CNTNAP5: variants seen among roughly 807,000 people sequenced by gnomAD.
The protein encoded by CNTNAP5 is contactin-associated protein-like 5.
A neutral mutation model predicts 150.2 loss-of-function variants in CNTNAP5; 72 were observed. The observed-to-expected ratio is 0.48, with a 90% confidence interval of 0.40 to 0.58. The LOEUF is 0.58. CNTNAP5 is among the 20% of genes least tolerant of loss of function. CNTNAP5 has a pLI of 0.00. For synonymous variants in CNTNAP5, 672 were observed against 619.8 expected (o/e 1.08, Z -1.25); for missense variants, 1,636 against 1,626.2 (o/e 1.01, Z -0.10).
chr2:124,557,915 A>T (rs903760870), intron 10 of CNTNAP5, among the ~76,000 whole-genome samples: 4 of 152,160 alleles, frequency 2.6e-5, no homozygotes, highest in African/African-American at 9.7e-5. Flanking sequence ...GGAACAACAA[A>T]GTCAACATGG....
At chr2:124,584,194 T>C (rs1423054068) in intron 11 of CNTNAP5, among the ~76,000 whole-genome samples, 1 of 152,196 alleles carries the variant, frequency 6.6e-6, no homozygotes, top group Non-Finnish European at 1.5e-5. Flanking sequence ...AAATGCATAA[T>C]GTTGTAAACA....
At chr2:124,351,246 C>T (rs1342274807) in intron 3 of CNTNAP5, among the ~76,000 whole-genome samples, 1 of 152,144 alleles carries the variant, frequency 6.6e-6, no homozygotes, top group African/African-American at 2.4e-5. Flanking sequence ...CTGAGAGTGA[C>T]CTGATTTCAG....
intron 19 of CNTNAP5, among the ~76,000 whole-genome samples, chr2:124,834,791 G>GTA (rs35344366): frequency 0.6 from 87,982 of 147,344 alleles, 26,761 homozygotes; most frequent in East Asian, 0.81. Flanking sequence ...ATATTTCACA[G>GTA]TATATATATA....
intron 3 of CNTNAP5, among the ~76,000 whole-genome samples, chr2:124,260,417 G>A (rs897870301): frequency 3.9e-5 from 6 of 152,260 alleles, no homozygotes; most frequent in Admixed American, 6.5e-5. Context: ...AAAATCCCTA[G>A]AAGAAAACCT....
At chr2:124,850,020 A>T (rs1683123595) in intron 19 of CNTNAP5, among the ~76,000 whole-genome samples, 1 of 152,194 alleles carries the variant, frequency 6.6e-6, no homozygotes, top group South Asian at 2.1e-4. Flanking sequence ...AACCCAATTA[A>T]ACAGACCTAC....
At chr2:124,819,113 C>G in intron 19 of CNTNAP5, among the ~76,000 whole-genome samples, 1 of 152,078 alleles carries the variant, frequency 6.6e-6, no homozygotes, top group East Asian at 1.9e-4. Context: ...CCAACCTTCA[C>G]TCTCTGCCTT....
At chr2:124,856,975 C>T (rs571249243) in intron 19 of CNTNAP5, among the ~76,000 whole-genome samples, 40 of 152,232 alleles carry the variant, frequency 2.6e-4, no homozygotes, top group African/African-American at 8.9e-4. Context: ...TGGGCTGTGG[C>T]TCATGGGGCT....
intron 19 of CNTNAP5, among the ~76,000 whole-genome samples, chr2:124,808,817 C>T (rs1018879971): frequency 6.6e-6 from 1 of 152,020 alleles, no homozygotes; most frequent in Admixed American, 6.6e-5. Flanking sequence ...CCATCCCAGG[C>T]TTATTCTTTA....
intron 1 of CNTNAP5, among the ~76,000 whole-genome samples, chr2:124,187,451 A>G (rs1258786557): frequency 1.3e-5 from 2 of 152,234 alleles, no homozygotes; most frequent in Non-Finnish European, 2.9e-5. Context: ...GAGTTAAATA[A>G]TAAATAAAAA....
chr2:124,437,180 A>C (rs1472503147), intron 5 of CNTNAP5, among the ~76,000 whole-genome samples: 3 of 152,182 alleles, frequency 2.0e-5, no homozygotes, highest in African/African-American at 4.8e-5. Context: ...TAAAGTAGGT[A>C]CTTGAGGCAG....
At chr2:124,209,392 C>T (rs1685947442) in intron 1 of CNTNAP5, among the ~76,000 whole-genome samples, 2 of 152,274 alleles carry the variant, frequency 1.3e-5, no homozygotes, top group South Asian at 2.1e-4. Context: ...ATGATTTTTG[C>T]AAAGCTCAAA....
intron 1 of CNTNAP5, among the ~76,000 whole-genome samples, chr2:124,219,181 C>A (rs1204974622): frequency 1.3e-5 from 2 of 152,134 alleles, no homozygotes; most frequent in Non-Finnish European, 2.9e-5. Flanking sequence ...GGGGTACAGT[C>A]AATTCTGCTA....
At chr2:124,292,540 TATATC>T (rs1367961578) in intron 3 of CNTNAP5, among the ~76,000 whole-genome samples, 4 of 152,126 alleles carry the variant, frequency 2.6e-5, no homozygotes, top group Non-Finnish European at 2.9e-5. Flanking sequence ...ATTCATATCT[TATATC>T]AGAAAGAAAT....
intron 16 of CNTNAP5, among the ~76,000 whole-genome samples, chr2:124,768,302 TG>T (rs1200734686): frequency 5.4e-5 from 8 of 148,644 alleles, no homozygotes; most frequent in African/African-American, 2.0e-4. Flanking sequence ...TGTGTGTGTG[TG>T]TGTGTGTATA....
intron 11 of CNTNAP5, among the ~76,000 whole-genome samples, chr2:124,597,594 A>G (rs1696859332): frequency 6.7e-6 from 1 of 150,254 alleles, no homozygotes; most frequent in Non-Finnish European, 1.5e-5. Flanking sequence ...CTTCATTTCA[A>G]CTTTGGTGAA....
At chr2:124,595,097 A>G (rs1696797376) in intron 11 of CNTNAP5, among the ~76,000 whole-genome samples, 1 of 148,830 alleles carries the variant, frequency 6.7e-6, no homozygotes, top group African/African-American at 2.5e-5. Context: ...GGACAATTTG[A>G]CTTCCTCTTT....
In CNTNAP5 at chr2:124,477,475, G is replaced by A. The variant is rs377449846; in HGVS notation, c.1062+2593G>A. On this transcript the variant is annotated intron_variant, in intron 7 of 23. Coordinates refer to ENST00000682447, the MANE Select transcript of CNTNAP5 (RefSeq NM_001367498.1). Reference sequence around the variant, plus strand: ...TTTGTGTCAAGTCCCTGACTCCTTCGGTTTGGAAAAGTTAGGATGATGCTA... The same window carrying A: ...TTTGTGTCAAGTCCCTGACTCCTTCAGTTTGGAAAAGTTAGGATGATGCTA... Among the ~76,000 whole-genome samples the A allele has an allele frequency of 7.9e-5, 12 of 152,102 alleles. No homozygotes were observed. In the East Asian group the frequency reaches 1.4e-3, roughly 17 times the overall value.
At chr2:124,100,499 C>T (rs1683038653) in intron 1 of CNTNAP5, among the ~76,000 whole-genome samples, 1 of 152,174 alleles carries the variant, frequency 6.6e-6, no homozygotes, top group Non-Finnish European at 1.5e-5. Context: ...GGATTCAAAT[C>T]TAGCATTGTT....
rs947788134 is a variant in CNTNAP5, at chr2:124,640,457, C to T, written c.1877-7301C>T. Among the ~76,000 whole-genome samples, 9 of 152,262 alleles carry T rather than the reference C, an allele frequency of 5.9e-5. 1 individual carries two copies. The South Asian group carries it at 1.9e-3, about 32-fold the overall frequency. On this transcript the variant is annotated intron_variant, in intron 12 of 23. Transcript: ENST00000682447. ...GCAGAGCGCATGGTAGCCCTACCAG[C>T]CACCCTGAACCGGTAATGCGCACAC...
Sources: gnomAD v4.1 joint callset for allele counts (sites outside exome capture counted in the v4.1 genomes callset) on GRCh38, gnomAD v4.1.1 for gene constraint, MANE v1.5 for transcripts, NCBI Gene and HGNC (gene_info 2026-07-23, HGNC 2026-07-21) for gene names.